The following GPR37L1 variants were observed in gnomAD, a reference collection of about 807,000 sequenced individuals.
GPR37L1 encodes G protein-coupled receptor 37 like 1.
In GPR37L1, 18 loss-of-function variants were observed where a neutral mutation model predicts 18.0. The ratio of observed to expected loss-of-function variants is 1.00; its 90% confidence interval spans 0.69 to 1.49. GPR37L1 has a LOEUF of 1.49. Among genes scored for constraint, GPR37L1 ranks in the 40% most tolerant of loss-of-function variants. GPR37L1 has a pLI of 0.00. For synonymous variants in GPR37L1, 256 were observed against 273.9 expected, an observed-to-expected ratio of 0.93 and a Z score of 0.65; for missense variants, 558 against 615.1, an observed-to-expected ratio of 0.91 and a Z score of 0.98.
rs1654851238 is a variant in GPR37L1 at position 202,131,444 on chromosome 1, T to G, written c.*2888T>G. The G allele has an allele frequency of 6.6e-6, 1 of 152,220 alleles. No homozygotes were observed. The highest frequency in any genetic ancestry group is 2.1e-4 in the South Asian group (1 of 4,832). 9.4% of individuals were successfully genotyped at this position (152,220 alleles called of 1,614,324 possible). ...CATGGTGCCCCGAACCTTTTATTCCTTCCTCTCCTTTGGGAATTCAATTCT... is the reference window on the plus strand; with the variant it reads ...CATGGTGCCCCGAACCTTTTATTCCGTCCTCTCCTTTGGGAATTCAATTCT... On this transcript the variant is annotated 3_prime_UTR_variant, in exon 2 of 2. Transcript: ENST00000367282.
rs1654715827 is a variant in GPR37L1 at position 202,127,908 on chromosome 1, G to A, written c.798G>A (p.Glu266=). Reference sequence around the variant, plus strand: ...GCTCCATGACGCTGGCTGTGCCTGAGCTCCTGCTGTGGCAGCTGGCACAGG... The same window carrying A: ...GCTCCATGACGCTGGCTGTGCCTGAACTCCTGCTGTGGCAGCTGGCACAGG... ...WVGSMTLAVP[E]LLLWQLAQEP... Residue 266 remains glutamate (E), a synonymous_variant, in exon 2 of 2, where the codon GAG becomes GAA. Coordinates refer to ENST00000367282, the MANE Select transcript of GPR37L1 (RefSeq NM_004767.5). 5.0e-6 allele frequency: 8 copies of A among 1,613,852 alleles called. No individual in the cohort carries two copies. The highest frequency in any genetic ancestry group is 2.2e-5 in the East Asian group (1 of 44,880).
chr1:202,128,443 G>A lies in GPR37L1; in HGVS notation c.1333G>A (p.Ala445Thr). ...TGAGGAGTGCGGCGGGGCTTCGGAG[G>A]CCTCTGCTGCCAATGGGTCGGACAA... ...CCEECGGASEASAANGSDNKL... is the reference protein window; with the variant it reads ...CCEECGGASETSAANGSDNKL... The change falls in exon 2 of 2, where the codon GCC (alanine) becomes ACC (threonine). Residue 445 changes from alanine to threonine, a missense_variant. Coordinates refer to ENST00000367282, the MANE Select transcript of GPR37L1 (RefSeq NM_004767.5). 6.2e-7 allele frequency: 1 copy of A among 1,610,296 alleles called. No homozygotes were observed. Among genetic ancestry groups the A allele is most frequent in the East Asian group, 2.2e-5 (1 of 44,752 alleles).
At position 202,123,347 on chromosome 1, in the gene GPR37L1, C is replaced by CA. The variant is rs1459049602; in HGVS notation, c.385dup (p.Ser129LysfsTer72). On this transcript the variant is annotated frameshift_variant, in exon 1 of 2. Coordinates refer to ENST00000367282, the MANE Select transcript of GPR37L1 (RefSeq NM_004767.5). LOFTEE classifies it high-confidence loss of function. ...TGTATCCGGTGACCGAGAGCTCCTA[C>CA]AGTGCCTATGCCATCATGCTTCTGG... 1 of 1,614,198 alleles carries CA rather than the reference C, an allele frequency of 6.2e-7. No homozygotes were observed. Among genetic ancestry groups the CA allele is most frequent in the African/African-American group, 1.3e-5 (1 of 75,040 alleles).
At chr1:202,127,656 T>C in intron 1 of GPR37L1, 85 bp from the exon 2 acceptor site, 1 of 939,028 alleles carries the variant, frequency 1.1e-6, no homozygotes, top group East Asian at 2.4e-5. Context: ...ATTCATGGTC[T>C]AACTGAGCCA....
In GPR37L1 at chr1:202,123,200, C is replaced by T. The variant is rs991318773; in HGVS notation, c.237C>T (p.Thr79=). 2 of 1,613,684 alleles carry T rather than the reference C, an allele frequency of 1.2e-6. No homozygotes were observed. The highest frequency in any genetic ancestry group is 1.1e-5 in the South Asian group (1 of 91,048). Residue 79 remains threonine, a synonymous_variant, in exon 1 of 2, where the codon ACC becomes ACT. Transcript: ENST00000367282. ...TTCACCCTGCTGGCCTGCAGCCAAC[C>T]AAGCCCTTGGTGGCCACCAGCCCTA... ...RPIHPAGLQP[T]KPLVATSPNP...
rs1307260374 is a variant in GPR37L1 at position 202,130,479 on chromosome 1, C to G, written c.*1923C>G. 6.6e-5 allele frequency: 10 copies of G among 152,550 alleles called. No individual in the cohort carries two copies. The East Asian group carries it at 1.5e-3, about 24-fold the overall frequency. 9.4% of individuals were successfully genotyped at this position (152,550 alleles called of 1,614,324 possible). A position where few individuals can be genotyped will look rare whatever the true frequency, so the allele number is the denominator to read the frequency against. On this transcript the variant is annotated 3_prime_UTR_variant, in exon 2 of 2. Transcript: ENST00000367282. Reference sequence around the variant, plus strand: ...CTGGGGATCTTAACGGCCTTGTTCTCTCTCCCTGGCACCCACCCCCAGGGC... The same window carrying G: ...CTGGGGATCTTAACGGCCTTGTTCTGTCTCCCTGGCACCCACCCCCAGGGC...
intron 1 of GPR37L1, among the ~76,000 whole-genome samples, chr1:202,125,588 T>A (rs1654638120): frequency 1.3e-5 from 2 of 152,166 alleles, no homozygotes; most frequent in South Asian, 4.1e-4. Context: ...GGCCAGCCCC[T>A]CCACACCTCC....
At position 202,122,955 on chromosome 1, in the gene GPR37L1, C is replaced by T. The variant is rs747028698; in HGVS notation, c.-9C>T. 2.7e-5 allele frequency: 43 copies of T among 1,611,706 alleles called. No homozygotes were observed. The highest frequency in any genetic ancestry group is 2.5e-4 in the East Asian group (11 of 44,896). On this transcript the variant is annotated 5_prime_UTR_variant, in exon 1 of 2. Transcript: ENST00000367282. ...CTTCCTGGGCTGGCTGTCTCCTGCTCATCCAGCCATGCGGTGGCTGTGGCC... is the reference window on the plus strand; with the variant it reads ...CTTCCTGGGCTGGCTGTCTCCTGCTTATCCAGCCATGCGGTGGCTGTGGCC...
rs1007660925 is a variant in GPR37L1 at position 202,131,338 on chromosome 1, C to T, written c.*2782C>T. ...AATTACTTAAACTCAGTCTCAGCTTCCTCATCTGTAAAATGGGAATAATCT... is the reference window on the plus strand; with the variant it reads ...AATTACTTAAACTCAGTCTCAGCTTTCTCATCTGTAAAATGGGAATAATCT... On this transcript the variant is annotated 3_prime_UTR_variant, in exon 2 of 2. Coordinates refer to ENST00000367282, the MANE Select transcript of GPR37L1 (RefSeq NM_004767.5). The T allele has an allele frequency of 1.3e-5, 2 of 152,272 alleles. No homozygotes were observed. Among genetic ancestry groups the T allele is most frequent in the Non-Finnish European group, 2.9e-5 (2 of 68,066 alleles). 9.4% of individuals were successfully genotyped at this position (152,272 alleles called of 1,614,324 possible).
chr1:202,125,026 G>A (rs188721799), intron 1 of GPR37L1, among the ~76,000 whole-genome samples: 184 of 152,138 alleles, frequency 1.2e-3, no homozygotes, highest in African/African-American at 4.3e-3. Context: ...TTAGCCGGGT[G>A]TGGTGGCACG....
chr1:202,123,303 C>A lies in GPR37L1; in HGVS notation c.340C>A (p.Leu114Ile). 6.2e-7 allele frequency: 1 copy of A among 1,614,212 alleles called. No homozygotes were observed. The highest frequency in any genetic ancestry group is 8.5e-7 in the Non-Finnish European group (1 of 1,180,038). The change falls in exon 1 of 2, where the codon CTA becomes ATA. Residue 114 changes from leucine (L) to isoleucine (I), a missense_variant. Physicochemically the swap from Leu to Ile is conservative, Grantham distance 5. Coordinates refer to ENST00000367282, the MANE Select transcript of GPR37L1 (RefSeq NM_004767.5). ...TCTGACAGGAGCACCAGGGCAGAGG[C>A]TACAGATCCAGAACCCCCTGTATCC... The part of the protein sequence containing the change: ...GNLTGAPGQR[L>I]QIQNPLYPVT...
At position 202,129,679 on chromosome 1, in the gene GPR37L1, T is replaced by G. The variant is rs1232329050; in HGVS notation, c.*1123T>G. 1 of 152,262 alleles carries G rather than the reference T, an allele frequency of 6.6e-6. No individual in the cohort carries two copies. The highest frequency in any genetic ancestry group is 1.5e-5 in the Non-Finnish European group (1 of 68,104). 9.4% of individuals were successfully genotyped at this position (152,262 alleles called of 1,614,324 possible). ...AGAACAGCCTTGTGGCCCTGGCGACTCCAAGGGTTTTATGGCTTTTGAGGG... is the reference window on the plus strand; with the variant it reads ...AGAACAGCCTTGTGGCCCTGGCGACGCCAAGGGTTTTATGGCTTTTGAGGG... On this transcript the variant is annotated 3_prime_UTR_variant, in exon 2 of 2. Transcript: ENST00000367282.
rs770336242 is a variant in GPR37L1, at chr1:202,132,007, A to G, written c.*3451A>G. On this transcript the variant is annotated 3_prime_UTR_variant, in exon 2 of 2. Transcript: ENST00000367282. ...TACCTCGGGCTCCCAAAGTACTGGG[A>G]TTACAGGCATGAGCACCTGGCCCCT... 5.3e-5 allele frequency: 8 copies of G among 152,248 alleles called. No individual in the cohort carries two copies. Among genetic ancestry groups the G allele is most frequent in the Non-Finnish European group, 8.8e-5 (6 of 68,058 alleles). The allele number at this position is 152,248 out of a possible 1,614,324, so 9.4% of individuals were successfully genotyped here.
At position 202,129,499 on chromosome 1, in the gene GPR37L1, T is replaced by C. The variant is rs1308229474; in HGVS notation, c.*943T>C. 1 of 152,256 alleles carries C rather than the reference T, an allele frequency of 6.6e-6. No individual in the cohort carries two copies. The highest frequency in any genetic ancestry group is 1.5e-5 in the Non-Finnish European group (1 of 68,068). 9.4% of individuals were successfully genotyped at this position (152,256 alleles called of 1,614,324 possible). On this transcript the variant is annotated 3_prime_UTR_variant, in exon 2 of 2. Coordinates refer to ENST00000367282, the MANE Select transcript of GPR37L1 (RefSeq NM_004767.5). The stretch of plus-strand genomic sequence containing the variant: ...CCTTCTTGAGAAACAATAAACTAGG[T>C]AGAACTACCCCTATGCCCATCCACT...
chr1:202,127,679 CCT>C, intron 1 of GPR37L1, 60 bp from the exon 2 acceptor site: 7 of 1,195,342 alleles, frequency 5.9e-6, no homozygotes, highest in Admixed American at 4.6e-5. Context: ...AGCCAGGTGT[CCT>C]TCCTTGTCCC....
Position 202,132,632 on chromosome 1 carries a change from G to A in GPR37L1, c.*4076G>A, listed in dbSNP as rs1654885586. 3 of 152,414 alleles carry A rather than the reference G, an allele frequency of 2.0e-5. No homozygotes were observed. Among genetic ancestry groups the A allele is most frequent in the African/African-American group, 7.2e-5 (3 of 41,450 alleles). The allele number at this position is 152,414 out of a possible 1,614,324, so 9.4% of individuals were successfully genotyped here. A position where few individuals can be genotyped will look rare whatever the true frequency, so the allele number is the denominator to read the frequency against. On this transcript the variant is annotated 3_prime_UTR_variant, in exon 2 of 2. Transcript: ENST00000367282. ...CTGCAAGGGCCTGCTCCATTTTCCA[G>A]GGTGAAGGAGAGGCCGAGGGAGGTG...
intron 1 of GPR37L1, among the ~76,000 whole-genome samples, chr1:202,126,387 G>A (rs552320510): frequency 5.3e-5 from 8 of 151,718 alleles, no homozygotes; most frequent in Non-Finnish European, 8.8e-5. Flanking sequence ...CAGCCTGGGC[G>A]ACAGAGTGAG....
In GPR37L1 at chr1:202,132,796, G is replaced by A. The variant is rs2147808802; in HGVS notation, c.*4240G>A. On this transcript the variant is annotated 3_prime_UTR_variant, in exon 2 of 2. Transcript: ENST00000367282. The stretch of plus-strand genomic sequence containing the variant: ...AGCTCTGACGGTGAGGTCGGGTGGG[G>A]GACTAGAATCCAGCAGAGGAGCGAG... The A allele has an allele frequency of 6.5e-6, 1 of 152,724 alleles. No individual in the cohort carries two copies. The highest frequency in any genetic ancestry group is 2.1e-4 in the South Asian group (1 of 4,852). 9.5% of individuals were successfully genotyped at this position (152,724 alleles called of 1,614,324 possible). A position where few individuals can be genotyped will look rare whatever the true frequency, so the allele number is the denominator to read the frequency against.
rs116810937 is a variant in GPR37L1 at position 202,128,520 on chromosome 1, G to A, written c.1410G>A (p.Glu470=). 2.9e-4 allele frequency: 469 copies of A among 1,591,898 alleles called. 5 individuals carry two copies. The East Asian group carries it at 6.5e-3, about 22-fold the overall frequency. ...SSSIYFHKPR[E]SPPLLPLGTP... Reference sequence around the variant, plus strand: ...CCATCTACTTCCACAAGCCCAGGGAGTCACCCCCACTCCTGCCCCTGGGCA... The same window carrying A: ...CCATCTACTTCCACAAGCCCAGGGAATCACCCCCACTCCTGCCCCTGGGCA... Residue 470 remains glutamate (E), a synonymous_variant, in exon 2 of 2, where the codon GAG becomes GAA. Transcript: ENST00000367282.
Sources: gnomAD v4.1 joint callset for allele counts (sites outside exome capture counted in the v4.1 genomes callset) on GRCh38, gnomAD v4.1.1 for gene constraint, MANE v1.5 for transcripts, NCBI Gene and HGNC (gene_info 2026-07-23, HGNC 2026-07-21) for gene names.